Variants in TM9SF2 observed in about 807,000 individuals in gnomAD.
The protein encoded by TM9SF2 is transmembrane 9 superfamily member 2, also known as 76 kDa membrane protein.
Under a neutral mutation model 84.9 loss-of-function variants are expected in TM9SF2, and 13 were observed. That is an observed-to-expected ratio of 0.15 (90% CI 0.10 to 0.24). The LOEUF (loss-of-function observed/expected upper bound fraction) is 0.24, where lower values mean the gene tolerates loss of function less well. Among genes scored for constraint, TM9SF2 ranks in the 10% least tolerant of loss-of-function variants. The probability of loss-of-function intolerance (pLI) is 1.00; values close to 1 mark genes in which losing one functional copy is unlikely to be tolerated. For missense variants in TM9SF2, 562 were observed against 818.5 expected (o/e 0.69, Z 3.82); for synonymous variants, 273 against 285.8 (o/e 0.96, Z 0.45).
At chr13:99,538,362 GA>G (rs1163098437) in intron 6 of TM9SF2, among the ~76,000 whole-genome samples, 3 of 150,898 alleles carry the variant, frequency 2.0e-5, no homozygotes, top group African/African-American at 7.4e-5. Context: ...TTATTTATGA[GA>G]TTTTTTTTTT....
At chr13:99,547,203 T>G (rs979706248) in intron 11 of TM9SF2, 99 bp downstream of exon 11, 1 of 1,545,672 alleles carries the variant, frequency 6.5e-7, no homozygotes. Context: ...TTGTAAATAG[T>G]GTGCCTCATA....
At chr13:99,505,894 T>G (rs1418089306) in intron 1 of TM9SF2, among the ~76,000 whole-genome samples, 2 of 152,228 alleles carry the variant, frequency 1.3e-5, no homozygotes, top group Non-Finnish European at 2.9e-5. Context: ...CTAAAAATAG[T>G]ATTAATTCTC....
intron 5 of TM9SF2, among the ~76,000 whole-genome samples, chr13:99,537,143 A>G (rs3031654): frequency 3.9e-5 from 5 of 128,434 alleles, no homozygotes; most frequent in Admixed American, 8.0e-5. Flanking sequence ...GGCCATTATT[A>G]TATTTAAAAA....
chr13:99,562,077 C>A (rs2046347061), intron 16 of TM9SF2, among the ~76,000 whole-genome samples: 1 of 152,186 alleles, frequency 6.6e-6, no homozygotes, highest in African/African-American at 2.4e-5. Flanking sequence ...GATAAATGGG[C>A]TTGGAGATGT....
intron 1 of TM9SF2, among the ~76,000 whole-genome samples, chr13:99,506,085 ACTTTC>A (rs1231613895): frequency 2.0e-5 from 3 of 152,214 alleles, no homozygotes; most frequent in African/African-American, 7.2e-5. Context: ...ACTCAGTCAT[ACTTTC>A]CTTTCTTGGT....
chr13:99,527,699 T>A (rs1169596656), intron 3 of TM9SF2, among the ~76,000 whole-genome samples: 1 of 152,230 alleles, frequency 6.6e-6, no homozygotes, highest in African/African-American at 2.4e-5. Flanking sequence ...CCCTCAGATA[T>A]GGACTTTGAT....
intron 15 of TM9SF2, among the ~76,000 whole-genome samples, chr13:99,556,547 C>T (rs1252819563): frequency 6.8e-6 from 1 of 147,920 alleles, no homozygotes; most frequent in African/African-American, 2.5e-5. Context: ...TTCATCATAT[C>T]ATGGCATGTA....
At chr13:99,544,090 G>C (rs2046272533) in intron 10 of TM9SF2, 95 bp downstream of exon 10, 5 of 1,432,754 alleles carry the variant, frequency 3.5e-6, no homozygotes, top group Non-Finnish European at 3.8e-6. Context: ...GGTGGCTCAT[G>C]CCTGTAATCC....
chr13:99,515,943 G>A (rs985684222), intron 1 of TM9SF2, among the ~76,000 whole-genome samples: 2 of 152,012 alleles, frequency 1.3e-5, no homozygotes, highest in Non-Finnish European at 1.5e-5. Flanking sequence ...TGTTGACCAG[G>A]CTGGTCTCAA....
chr13:99,515,897 T>G (rs1200897740), intron 1 of TM9SF2, among the ~76,000 whole-genome samples: 1 of 152,062 alleles, frequency 6.6e-6, no homozygotes, highest in Non-Finnish European at 1.5e-5. Flanking sequence ...TACACCCGGC[T>G]AATTTTGTAT....
intron 15 of TM9SF2, among the ~76,000 whole-genome samples, chr13:99,558,627 A>G (rs1290136400): frequency 6.6e-6 from 1 of 151,966 alleles, no homozygotes; most frequent in Non-Finnish European, 1.5e-5. Context: ...TTCTTCTCAG[A>G]TTGCTCATTG....
At chr13:99,526,834 G>A (rs1050684649) in intron 3 of TM9SF2, among the ~76,000 whole-genome samples, 20 of 151,994 alleles carry the variant, frequency 1.3e-4, no homozygotes, top group African/African-American at 4.6e-4. Context: ...CCTGGGGTTG[G>A]TAGATGACAA....
intron 10 of TM9SF2, among the ~76,000 whole-genome samples, chr13:99,546,223 A>G (rs1334479856): frequency 6.6e-6 from 1 of 152,184 alleles, no homozygotes; most frequent in African/African-American, 2.4e-5. Context: ...AGGGGGGGAA[A>G]CAATGGGGAT....
intron 11 of TM9SF2, among the ~76,000 whole-genome samples, chr13:99,547,441 GTA>G (rs1251200222): frequency 1.3e-5 from 2 of 152,112 alleles, no homozygotes; most frequent in Non-Finnish European, 2.9e-5. Context: ...AAGGAGAAAA[GTA>G]TACAAATGAG....
In TM9SF2 at chr13:99,541,713, ATTG is replaced by A. The variant is rs774012906; in HGVS notation, c.1017+49_1017+51del. The A allele has an allele frequency of 5.4e-6, 7 of 1,301,460 alleles. No homozygotes were observed. In the East Asian group the frequency reaches 1.8e-4, roughly 33 times the overall value. 80.6% of individuals were successfully genotyped at this position (1,301,460 alleles called of 1,614,324 possible). ...CTTTAGTCTGCCAAGGACACTGTTT[ATTG>A]TTATTTTGCAAAAAGGTAAAATAAT... is the stretch of plus-strand genomic sequence containing the variant. On this transcript the variant is annotated intron_variant, in intron 9 of 16. Coordinates refer to ENST00000376387, the MANE Select transcript of TM9SF2 (RefSeq NM_004800.3).
At position 99,559,480 on chromosome 13, in the gene TM9SF2, A is replaced by G; in HGVS notation, c.1870A>G (p.Ile624Val). Reference sequence around the variant, plus strand: ...GCAGATCACGGGAACAGCAAGCACAATTCTGTACTTTGGTTATACCATGAT... The same window carrying G: ...GCAGATCACGGGAACAGCAAGCACAGTTCTGTACTTTGGTTATACCATGAT... ...KLQITGTAST[I>V]LYFGYTMIMV... The change falls in exon 16 of 17, where the codon ATT (isoleucine) becomes GTT (valine). Residue 624 changes from isoleucine to valine, a missense_variant. By Grantham distance (29) the Ile-to-Val change is conservative (BLOSUM62 3). This residue lies in a region of TM9SF2 where 63 missense variants were observed against 109.2 expected (regional missense o/e 0.58). Transcript: ENST00000376387. The G allele has an allele frequency of 6.2e-7, 1 of 1,613,992 alleles. No individual in the cohort carries two copies. Among genetic ancestry groups the G allele is most frequent in the Non-Finnish European group, 8.5e-7 (1 of 1,179,952 alleles).
intron 1 of TM9SF2, among the ~76,000 whole-genome samples, chr13:99,516,405 A>C (rs1380054780): frequency 6.6e-6 from 1 of 152,148 alleles, no homozygotes; most frequent in African/African-American, 2.4e-5. Flanking sequence ...TACAGCTCTA[A>C]CTCTATAAAA....
intron 9 of TM9SF2, among the ~76,000 whole-genome samples, chr13:99,542,683 T>C (rs1276774693): frequency 1.3e-5 from 2 of 152,156 alleles, no homozygotes; most frequent in Non-Finnish European, 2.9e-5. Flanking sequence ...TACTCTATAG[T>C]CTCTTTCCTA....
rs547781620 is a variant in TM9SF2 at position 99,546,258 on chromosome 13, C to G, written c.1151-727C>G. Among the ~76,000 whole-genome samples the G allele has an allele frequency of 3.3e-5, 5 of 152,280 alleles. No homozygotes were observed. The South Asian group carries it at 8.3e-4, about 25-fold the overall frequency. On this transcript the variant is annotated intron_variant, in intron 10 of 16. Transcript: ENST00000376387. ...TTTTCTTGCTGAGCCTCCTGAAACT[C>G]AGTTCTCAGCAGTATCCTACTCACC... is the stretch of plus-strand genomic sequence containing the variant.
Sources: allele counts gnomAD v4.1 joint callset (sites outside exome capture counted in the v4.1 genomes callset), GRCh38; gene constraint gnomAD v4.1.1; regional missense constraint gnomAD v4.1.1; transcripts MANE v1.5; gene names NCBI Gene and HGNC (gene_info 2026-07-23, HGNC 2026-07-21).